The following KLHL2 variants were observed in gnomAD, a reference collection of about 807,000 sequenced individuals.
The protein encoded by KLHL2 is kelch-like protein 2.
A neutral mutation model predicts 75.8 loss-of-function variants in KLHL2; 15 were observed. The observed-to-expected ratio is 0.20, with a 90% CI of 0.13 to 0.30. KLHL2 has a LOEUF of 0.30. Ranked by LOEUF, KLHL2 falls within the 10% of genes least tolerant of loss-of-function variation. KLHL2 has a pLI of 1.00. For missense variants in KLHL2, 381 were observed against 741.0 expected (o/e 0.51, Z 5.64); for synonymous variants, 214 against 251.9 (o/e 0.85, Z 1.42).
chr4:165,271,923 T>C (rs982537284), intron 5 of KLHL2, among the ~76,000 whole-genome samples: 1 of 152,178 alleles, frequency 6.6e-6, no homozygotes, highest in Admixed American at 6.5e-5. Flanking sequence ...GTAAGGAAGC[T>C]TTTGGTACAT....
At chr4:165,297,074 C>A (rs1249506879) in intron 6 of KLHL2, among the ~76,000 whole-genome samples, 1 of 151,842 alleles carries the variant, frequency 6.6e-6, no homozygotes, top group Non-Finnish European at 1.5e-5. Context: ...TTCCTGCAAA[C>A]CTTTAAAGAT....
chr4:165,209,141 C>G (rs1737036712), intron 1 of KLHL2, among the ~76,000 whole-genome samples: 1 of 152,126 alleles, frequency 6.6e-6, no homozygotes, highest in South Asian at 2.1e-4. Context: ...GGGGCTTAGT[C>G]ACCTCTCGAT....
At chr4:165,284,142 C>T (rs1253803456) in intron 5 of KLHL2, among the ~76,000 whole-genome samples, 1 of 152,218 alleles carries the variant, frequency 6.6e-6, no homozygotes, top group East Asian at 1.9e-4. Context: ...CTGACATGCC[C>T]TGGAGACATT....
chr4:165,312,741 C>G (rs2126572613), intron 11 of KLHL2, among the ~76,000 whole-genome samples: 1 of 152,270 alleles, frequency 6.6e-6, no homozygotes, highest in East Asian at 1.9e-4. Flanking sequence ...AGTATGTGAT[C>G]TTTGGTGACT....
chr4:165,312,496 C>T (rs139828182), intron 11 of KLHL2, among the ~76,000 whole-genome samples: 3 of 151,884 alleles, frequency 2.0e-5, no homozygotes, highest in African/African-American at 7.2e-5. Context: ...GTAATCTGTG[C>T]ACTTAGAAAA....
chr4:165,320,604 T>C (rs1032983209), intron 14 of KLHL2, among the ~76,000 whole-genome samples: 18 of 152,166 alleles, frequency 1.2e-4, no homozygotes, highest in African/African-American at 4.3e-4. Flanking sequence ...TGGAAAAAAT[T>C]GCCAGTGCTA....
Position 165,264,436 on chromosome 4 carries a change from T to G in KLHL2, c.544+1077T>G, listed in dbSNP as rs529351358. 1.8e-3 allele frequency among the ~76,000 whole-genome samples: 277 copies of G among 151,852 alleles called. 1 individual carries two copies. The highest frequency in any genetic ancestry group is 2.3e-3 in the Non-Finnish European group (154 of 67,960). ...CACTCTGTCTGCCTTTGCATACTGA[T>G]AGCTTAGCTCCCACTTATAAGTGTG... is the stretch of plus-strand genomic sequence containing the variant. On this transcript the variant is annotated intron_variant, in intron 5 of 14. Coordinates refer to ENST00000226725, the MANE Select transcript of KLHL2 (RefSeq NM_007246.4).
intron 5 of KLHL2, among the ~76,000 whole-genome samples, chr4:165,267,991 C>T (rs1742371647): frequency 6.6e-6 from 1 of 152,148 alleles, no homozygotes; most frequent in African/African-American, 2.4e-5. Flanking sequence ...ATTTCAGAAC[C>T]TGTTACTGGT....
At chr4:165,246,216 GTT>G (rs1740249984) in intron 4 of KLHL2, among the ~76,000 whole-genome samples, 2 of 152,162 alleles carry the variant, frequency 1.3e-5, no homozygotes, top group African/African-American at 4.8e-5. Flanking sequence ...AGTTTGGCGT[GTT>G]TTATGGGCCA....
intron 3 of KLHL2, among the ~76,000 whole-genome samples, chr4:165,233,093 A>T (rs1739046418): frequency 6.6e-6 from 1 of 152,102 alleles, no homozygotes; most frequent in African/African-American, 2.4e-5. Flanking sequence ...TTTTAATCTC[A>T]TAAACTGTAG....
chr4:165,263,983 C>T (rs1235920229), intron 5 of KLHL2, among the ~76,000 whole-genome samples: 7 of 151,890 alleles, frequency 4.6e-5, no homozygotes, highest in East Asian at 3.9e-4. Flanking sequence ...TTCCCTGTGG[C>T]AGAGGGAGGG....
intron 4 of KLHL2, among the ~76,000 whole-genome samples, chr4:165,245,047 A>C (rs1402002475): frequency 6.6e-6 from 1 of 152,056 alleles, no homozygotes; most frequent in African/African-American, 2.4e-5. Flanking sequence ...ATCTCCACTA[A>C]AATTACAAAA....
Position 165,297,692 on chromosome 4 carries a change from G to A in KLHL2, c.738G>A (p.Arg246=). The change falls in exon 7 of 15, where the codon CGG becomes CGA. Residue 246 remains arginine (R), a synonymous_variant. Transcript: ENST00000226725. ...EFMARLMEHV[R]LPLLPREYLV... ...TGGCCCGACTGATGGAACATGTACG[G>A]TTACCTTTGCTTCCTCGGGAATATT... 1 of 1,613,350 alleles carries A rather than the reference G, an allele frequency of 6.2e-7. No homozygotes were observed.
At position 165,247,007 on chromosome 4, in the gene KLHL2, T is replaced by C. The variant is rs1740315491; in HGVS notation, c.381+8108T>C. Among the ~76,000 whole-genome samples the C allele has an allele frequency of 7.9e-5, 12 of 152,286 alleles. No individual in the cohort carries two copies. In the South Asian group the frequency reaches 2.1e-3, roughly 26 times the overall value. On this transcript the variant is annotated intron_variant, in intron 4 of 14. Coordinates refer to ENST00000226725, the MANE Select transcript of KLHL2 (RefSeq NM_007246.4). ...TAGGAGGAAAAGCAGGTGTATGTGG[T>C]GTCACAGAATGCTAGTTCTAGAGAA...
intron 5 of KLHL2, among the ~76,000 whole-genome samples, chr4:165,286,817 G>C (rs914660214): frequency 1.1e-4 from 16 of 152,192 alleles, no homozygotes; most frequent in African/African-American, 3.9e-4. Context: ...TTTTTTAGCA[G>C]AGCAGGTATT....
intron 5 of KLHL2, among the ~76,000 whole-genome samples, chr4:165,265,812 A>G (rs945303313): frequency 3.3e-5 from 5 of 152,082 alleles, no homozygotes; most frequent in African/African-American, 1.2e-4. Context: ...GTAGTATGAT[A>G]TATAATGCTT....
chr4:165,297,617 A>G lies in KLHL2; in HGVS notation c.663A>G (p.Glu221=). Residue 221 remains glutamate (E), a synonymous_variant, in exon 7 of 15, where the codon GAA becomes GAG. Transcript: ENST00000226725. ...CCTATATTTTCTGCAAGGTATTTGAAGCAGTAATAGCATGGGTGAACCATG... is the reference window on the plus strand; with the variant it reads ...CCTATATTTTCTGCAAGGTATTTGAGGCAGTAATAGCATGGGTGAACCATG... ...LTISSEEKVF[E]AVIAWVNHDK... 6.2e-7 allele frequency: 1 copy of G among 1,603,478 alleles called. No individual in the cohort carries two copies. Among genetic ancestry groups the G allele is most frequent in the Non-Finnish European group, 8.5e-7 (1 of 1,170,296 alleles).
intron 5 of KLHL2, among the ~76,000 whole-genome samples, chr4:165,290,543 T>C (rs1055229655): frequency 6.6e-6 from 1 of 152,228 alleles, no homozygotes; most frequent in Non-Finnish European, 1.5e-5. Flanking sequence ...TTTCCCTTTT[T>C]TCTTAGTGTA....
Position 165,207,954 on chromosome 4 carries a change from G to A in KLHL2, c.26+52G>A. Reference sequence around the variant, plus strand: ...CCGCTGCGGATAAGCGCGCCGCTGCGGCGCGTGTCGCCGGCCGCGGGCGCA... The same window carrying A: ...CCGCTGCGGATAAGCGCGCCGCTGCAGCGCGTGTCGCCGGCCGCGGGCGCA... On this transcript the variant is annotated intron_variant, in intron 1 of 14. Transcript: ENST00000226725. The surrounding 1 kb of genome is among the most constrained non-coding windows in gnomAD (Gnocchi z 4.2). The A allele has an allele frequency of 1.6e-6, 2 of 1,274,374 alleles. No homozygotes were observed. Among genetic ancestry groups the A allele is most frequent in the Non-Finnish European group, 2.0e-6 (2 of 1,008,896 alleles). The allele number at this position is 1,274,374 out of a possible 1,614,324, so 78.9% of individuals were successfully genotyped here. A position where few individuals can be genotyped will look rare whatever the true frequency, so the allele number is the denominator to read the frequency against.
Sources: allele counts gnomAD v4.1 joint callset (sites outside exome capture counted in the v4.1 genomes callset), GRCh38; gene constraint gnomAD v4.1.1; non-coding constraint Gnocchi (gnomAD v3.1); transcripts MANE v1.5; gene names NCBI Gene and HGNC (gene_info 2026-07-23, HGNC 2026-07-21).